Variants in USP42 observed in about 807,000 individuals in gnomAD.
USP42 encodes the protein ubiquitin carboxyl-terminal hydrolase 42.
USP42 carries 23 observed loss-of-function variants against 113.0 expected under a neutral mutation model. The ratio of observed to expected loss-of-function variants is 0.20; its 90% CI spans 0.15 to 0.29. The LOEUF (loss-of-function observed/expected upper bound fraction) is 0.29, where lower values mean the gene tolerates loss of function less well. Ranked by LOEUF, USP42 falls within the 10% of genes least tolerant of loss-of-function variation. The probability of loss-of-function intolerance (pLI) is 1.00; values close to 1 mark genes in which losing one functional copy is unlikely to be tolerated. For synonymous variants in USP42, 933 were observed against 699.0 expected (o/e 1.33, Z -5.28); for missense variants, 2,174 against 1,779.8 (o/e 1.22, Z -3.99).
chr7:6,150,341 G>A (rs1186013518), intron 13 of USP42, 39 bp downstream of exon 13: 8 of 1,607,294 alleles, frequency 5.0e-6, no homozygotes, highest in Non-Finnish European at 4.3e-6. Flanking sequence ...GTTTGTGGCG[G>A]TTCCCTTGGC....
At chr7:6,152,882 G>C (rs1314507116) in intron 14 of USP42, 3 of 977,438 alleles carry the variant, frequency 3.1e-6, no homozygotes, top group Non-Finnish European at 3.6e-6. Flanking sequence ...ACCTTTGAGG[G>C]TCCAAGAGAA....
At chr7:6,117,136 T>A in intron 3 of USP42, among the ~76,000 whole-genome samples, 1 of 152,174 alleles carries the variant, frequency 6.6e-6, no homozygotes, top group East Asian at 1.9e-4. Context: ...AAGATTAAGA[T>A]AATGAACATG....
chr7:6,154,125 G>C lies in USP42; in HGVS notation c.2571G>C (p.Pro857=), dbSNP rs777016423. The C allele has an allele frequency of 6.3e-7, 1 of 1,599,838 alleles. No homozygotes were observed. Among genetic ancestry groups the C allele is most frequent in the Non-Finnish European group, 8.5e-7 (1 of 1,175,164 alleles). The part of the protein sequence containing the change: ...ALAEAPEGLS[P]APPARSEEPC... Reference sequence around the variant, plus strand: ...CGGAAGCCCCGGAAGGGTTGAGTCCGGCTCCGCCTGCGCGGTCGGAGGAGC... The same window carrying C: ...CGGAAGCCCCGGAAGGGTTGAGTCCCGCTCCGCCTGCGCGGTCGGAGGAGC... The change falls in exon 15 of 18, where the codon CCG becomes CCC. Residue 857 remains proline, a synonymous_variant. Coordinates refer to ENST00000306177, the MANE Select transcript of USP42 (RefSeq NM_032172.3).
chr7:6,157,002 A>C lies in USP42; in HGVS notation c.3890A>C (p.His1297Pro). ...GVGPFREKTKHLRMESRDDRC... is the reference protein window; with the variant it reads ...GVGPFREKTKPLRMESRDDRC... ...GGACCTTTCCGTGAGAAAACGAAAC[A>C]CTTACGGATGGAAAGCAGGGATGAC... The change falls in exon 16 of 18, where the codon CAC (histidine) becomes CCC (proline). Residue 1297 changes from histidine (H) to proline (P), a missense_variant. His to Pro is a moderately conservative substitution (Grantham distance 77). Transcript: ENST00000306177. The surrounding 1 kb of genome is among the most constrained non-coding windows in gnomAD (Gnocchi z 4.1). The C allele has an allele frequency of 1.2e-6, 2 of 1,611,764 alleles. No homozygotes were observed. Among genetic ancestry groups the C allele is most frequent in the Non-Finnish European group, 1.7e-6 (2 of 1,179,488 alleles).
upstream of USP42, among the ~76,000 whole-genome samples, chr7:6,100,575 T>A (rs1790092297): frequency 6.6e-6 from 1 of 150,616 alleles, no homozygotes; most frequent in South Asian, 2.1e-4. Flanking sequence ...GGTTATCTGC[T>A]CATCTCAGCC....
intron 3 of USP42, among the ~76,000 whole-genome samples, chr7:6,117,975 A>T (rs761949691): frequency 6.6e-6 from 1 of 152,144 alleles, no homozygotes; most frequent in Non-Finnish European, 1.5e-5. Flanking sequence ...CCTCGATATA[A>T]GTCTTTTATT....
chr7:6,148,824 C>T (rs1025038034), intron 12 of USP42, among the ~76,000 whole-genome samples: 4 of 152,330 alleles, frequency 2.6e-5, no homozygotes, highest in East Asian at 3.9e-4. Context: ...AAATGCCCAG[C>T]GGGCTCCCCT....
intron 3 of USP42, among the ~76,000 whole-genome samples, chr7:6,131,615 G>A (rs1021624526): frequency 1.3e-5 from 2 of 152,202 alleles, no homozygotes; most frequent in African/African-American, 4.8e-5. Flanking sequence ...GAGAGTGGGA[G>A]CGGGATTTTG....
Position 6,149,841 on chromosome 7 carries a change from C to A in USP42, c.1645C>A (p.Pro549Thr), listed in dbSNP as rs201918410. Reference protein sequence around the residue: ...PNLHSNSLENPTKPVPSSTIT... With the variant: ...PNLHSNSLENTTKPVPSSTIT... Reference sequence around the variant, plus strand: ...CCTTCATAGTAATTCTTTGGAGAACCCTACCAAGCCCGTTCCCTCTTCTAC... The same window carrying A: ...CCTTCATAGTAATTCTTTGGAGAACACTACCAAGCCCGTTCCCTCTTCTAC... The change falls in exon 13 of 18, where the codon CCT becomes ACT. Residue 549 changes from proline (P) to threonine (T), a missense_variant. Pro to Thr is a conservative substitution (Grantham distance 38). Transcript: ENST00000306177. The A allele has an allele frequency of 1.2e-6, 2 of 1,614,034 alleles. No individual in the cohort carries two copies. Among genetic ancestry groups the A allele is most frequent in the East Asian group, 2.2e-5 (1 of 44,888 alleles).
rs760963473 is a variant in USP42 at position 6,147,887 on chromosome 7, A to G, written c.1381A>G (p.Ile461Val). 1.7e-5 allele frequency: 27 copies of G among 1,607,956 alleles called. No homozygotes were observed. Among genetic ancestry groups the G allele is most frequent in the Non-Finnish European group, 2.2e-5 (26 of 1,176,130 alleles). ...FIGPQLPSHM[I>V]KNPPHLNGTG... The stretch of plus-strand genomic sequence containing the variant: ...CGGACCACAGCTTCCCTCTCACATG[A>G]TAAAGGTAACAGTCCTTAGGGAGAA... The change falls in exon 12 of 18, where the codon ATA becomes GTA. Residue 461 changes from isoleucine to valine, a missense_variant. Transcript: ENST00000306177.
At chr7:6,150,528 G>A (rs1280592696) in intron 14 of USP42, 22 bp downstream of exon 14, 1 of 1,603,300 alleles carries the variant, frequency 6.2e-7, no homozygotes, top group Admixed American at 1.7e-5. Context: ...GTACATCTGA[G>A]GCACGTGTGG....
chr7:6,094,041 C>T, the USP42 span, among the ~76,000 whole-genome samples: 16 of 150,996 alleles, frequency 1.1e-4, no homozygotes, highest in South Asian at 2.1e-4. Context: ...CCACCACACC[C>T]GGCTAATTTT....
Position 6,157,869 on chromosome 7 carries a change from G to A in USP42, c.3943+814G>A, listed in dbSNP as rs969412570. On this transcript the variant is annotated intron_variant, in intron 16 of 17. Transcript: ENST00000306177. The surrounding 1 kb of genome is among the most constrained non-coding windows in gnomAD (Gnocchi z 4.1). ...TTCTGCCCTGTGGGGCTGTGTCTCC[G>A]TCCTGTGGCCACACGCTGTGCTCTT... 1.1e-4 allele frequency among the ~76,000 whole-genome samples: 17 copies of A among 152,090 alleles called. No homozygotes were observed. The highest frequency in any genetic ancestry group is 6.5e-5 in the Admixed American group (1 of 15,270).
At chr7:6,141,029 C>T in intron 7 of USP42, 45 bp downstream of exon 7, 1 of 1,007,816 alleles carries the variant, frequency 9.9e-7, no homozygotes, top group Non-Finnish European at 1.5e-6. Context: ...TAAAATAAGT[C>T]ATTTTATGTA....
the USP42 span, among the ~76,000 whole-genome samples, chr7:6,091,088 A>T: frequency 6.6e-6 from 1 of 150,860 alleles, no homozygotes; most frequent in Non-Finnish European, 1.5e-5. Context: ...TAAGTCCTCC[A>T]ACTTACTTCG....
chr7:6,095,933 A>T, the USP42 span, among the ~76,000 whole-genome samples: 1,046 of 148,870 alleles, frequency 7.0e-3, 72 homozygotes, highest in African/African-American at 0.026. Context: ...TTTTTTTTTT[A>T]ATTTATTTTT....
At position 6,139,460 on chromosome 7, in the gene USP42, C is replaced by T. The variant is rs929590230; in HGVS notation, c.656+266C>T. 1.2e-5 allele frequency: 4 copies of T among 322,618 alleles called. No homozygotes were observed. Among genetic ancestry groups the T allele is most frequent in the Non-Finnish European group, 2.3e-5 (4 of 177,412 alleles). The allele number at this position is 322,618 out of a possible 1,614,324, so 20.0% of individuals were successfully genotyped here. A position where few individuals can be genotyped will look rare whatever the true frequency, so the allele number is the denominator to read the frequency against. On this transcript the variant is annotated intron_variant, in intron 5 of 17. Transcript: ENST00000306177. The surrounding 1 kb of genome is among the most constrained non-coding windows in gnomAD (Gnocchi z 4.5). ...TTGGTCTTGCAGCTATTTAATTTCT[C>T]ATTATCAGCAGACGTCTGCAGATCT... is the stretch of plus-strand genomic sequence containing the variant.
chr7:6,120,066 G>A (rs186014247), intron 3 of USP42, among the ~76,000 whole-genome samples: 275 of 152,222 alleles, frequency 1.8e-3, no homozygotes, highest in East Asian at 3.1e-3. Context: ...CCGGGTTCAC[G>A]CCATTCTTCT....
chr7:6,085,286 A>AT, the USP42 span: 44,486 of 143,544 alleles, frequency 0.31, 7,789 homozygotes, highest in East Asian at 0.46. Context: ...TGCCCGACTA[A>AT]TTTTTTTTTT....
Sources: allele counts gnomAD v4.1 joint callset (sites outside exome capture counted in the v4.1 genomes callset), GRCh38; gene constraint gnomAD v4.1.1; non-coding constraint Gnocchi (gnomAD v3.1); transcripts MANE v1.5; gene names NCBI Gene and HGNC (gene_info 2026-07-23, HGNC 2026-07-21).